DLG2: variants seen among roughly 807,000 people sequenced by gnomAD.
DLG2 encodes disks large homolog 2.
DLG2 carries 45 observed loss-of-function variants against 132.5 expected under a neutral mutation model. That is an observed-to-expected ratio of 0.34 (90% CI 0.27 to 0.44). DLG2 has a LOEUF of 0.44. Among genes scored for constraint, DLG2 ranks in the 20% least tolerant of loss-of-function variants. DLG2 has a pLI of 1.00. For synonymous variants in DLG2, 424 were observed against 419.6 expected (o/e 1.01, Z -0.13); for missense variants, 1,045 against 1,196.9 (o/e 0.87, Z 1.87).
intron 6 of DLG2, among the ~76,000 whole-genome samples, chr11:84,743,064 G>A (rs992585527): frequency 1.4e-4 from 21 of 151,976 alleles, no homozygotes; most frequent in Non-Finnish European, 4.4e-5. Flanking sequence ...CTTTTTAAAC[G>A]TTTTACTTTG....
intron 19 of DLG2, among the ~76,000 whole-genome samples, chr11:83,579,880 G>C (rs2096940052): frequency 6.6e-6 from 1 of 152,056 alleles, no homozygotes; most frequent in African/African-American, 2.4e-5. Context: ...TGAGGCAGGA[G>C]AATGGCTTGA....
chr11:84,983,604 A>G (rs966357561), intron 6 of DLG2, among the ~76,000 whole-genome samples: 3 of 152,250 alleles, frequency 2.0e-5, no homozygotes, highest in Admixed American at 1.3e-4. Context: ...CACTCCCCAA[A>G]AAATCACACA....
chr11:85,283,278 A>G (rs766263808), intron 4 of DLG2, among the ~76,000 whole-genome samples: 4 of 151,952 alleles, frequency 2.6e-5, no homozygotes, highest in Non-Finnish European at 4.4e-5. Context: ...TTTTTAAAAA[A>G]AAGAAAATTG....
chr11:84,898,107 T>C (rs1295630342), intron 6 of DLG2, among the ~76,000 whole-genome samples: 1 of 151,938 alleles, frequency 6.6e-6, no homozygotes, highest in African/African-American at 2.4e-5. Context: ...GATATAACAA[T>C]AAAAATGGTC....
chr11:83,779,802 A>G (rs2094734470), intron 18 of DLG2, among the ~76,000 whole-genome samples: 1 of 152,192 alleles, frequency 6.6e-6, no homozygotes, highest in African/African-American at 2.4e-5. Context: ...AGAATCTATC[A>G]AGTTAACTAG....
intron 7 of DLG2, among the ~76,000 whole-genome samples, chr11:84,302,654 T>C (rs1021135104): frequency 6.6e-6 from 1 of 152,198 alleles, no homozygotes; most frequent in Non-Finnish European, 1.5e-5. Flanking sequence ...TTTTTAAAAA[T>C]AATTAATTCA....
At chr11:85,126,657 C>A (rs879350115) in intron 5 of DLG2, among the ~76,000 whole-genome samples, 2 of 152,016 alleles carry the variant, frequency 1.3e-5, no homozygotes, top group Admixed American at 6.6e-5. Context: ...CGTAGACATG[C>A]CACCTTGCAG....
chr11:83,871,638 G>GCTCAGTCACAATGATTATGTGC (rs6144417), intron 16 of DLG2, among the ~76,000 whole-genome samples: 25,100 of 151,790 alleles, frequency 0.17, 2,251 homozygotes, highest in Middle Eastern at 0.27. Context: ...CCCACTATGT[G>GCTCAGTCACAATGATTATGTGC]CACGTTATCT....
At chr11:84,773,636 A>T (rs2069828059) in intron 6 of DLG2, among the ~76,000 whole-genome samples, 1 of 152,202 alleles carries the variant, frequency 6.6e-6, no homozygotes. Context: ...ACCCATGCAA[A>T]TAATACGAAA....
chr11:84,002,569 G>A (rs950395483), intron 11 of DLG2, among the ~76,000 whole-genome samples: 3 of 152,086 alleles, frequency 2.0e-5, no homozygotes, highest in African/African-American at 7.2e-5. Context: ...CAAGGCTTGG[G>A]GCTTGCATAC....
intron 3 of DLG2, among the ~76,000 whole-genome samples, chr11:85,594,559 C>A (rs2079595291): frequency 6.6e-6 from 1 of 152,124 alleles, no homozygotes; most frequent in Admixed American, 6.6e-5. Context: ...GGGTTGAAAT[C>A]TGTGAAATAT....
chr11:84,529,025 A>G (rs2099329039), intron 7 of DLG2, among the ~76,000 whole-genome samples: 2 of 152,306 alleles, frequency 1.3e-5, no homozygotes, highest in South Asian at 4.1e-4. Context: ...GGCTGGGAAT[A>G]TTTACATCAC....
chr11:84,644,124 T>C (rs1311384141), intron 6 of DLG2, among the ~76,000 whole-genome samples: 7 of 152,174 alleles, frequency 4.6e-5, no homozygotes, highest in South Asian at 2.1e-4. Flanking sequence ...AGATGCAGTA[T>C]ATTAAGAATC....
chr11:85,444,361 TC>T (rs2091915847), intron 3 of DLG2, among the ~76,000 whole-genome samples: 1 of 152,162 alleles, frequency 6.6e-6, no homozygotes, highest in African/African-American at 2.4e-5. Context: ...AAAAAGTTAA[TC>T]CCAGTGGAAT....
intron 5 of DLG2, among the ~76,000 whole-genome samples, chr11:85,114,506 T>G (rs2073252010): frequency 6.6e-6 from 1 of 151,996 alleles, no homozygotes; most frequent in South Asian, 2.1e-4. Flanking sequence ...TAGTGATATG[T>G]GACTAGACCA....
chr11:84,077,565 T>A (rs930680114), intron 10 of DLG2, among the ~76,000 whole-genome samples: 1 of 152,230 alleles, frequency 6.6e-6, no homozygotes, highest in African/African-American at 2.4e-5. Flanking sequence ...AAAACAACTA[T>A]GTGCTATTTT....
chr11:85,157,705 AGAAAG>A (rs1293220819), intron 4 of DLG2, among the ~76,000 whole-genome samples: 2 of 152,184 alleles, frequency 1.3e-5, no homozygotes, highest in African/African-American at 4.8e-5. Flanking sequence ...TCTCCTGTAG[AGAAAG>A]ATATGAAATT....
At chr11:84,714,605 TTC>T (rs1384317991) in intron 6 of DLG2, among the ~76,000 whole-genome samples, 20 of 99,448 alleles carry the variant, frequency 2.0e-4, no homozygotes, top group East Asian at 5.7e-4. Flanking sequence ...TTCTTTCTCT[TTC>T]TCTTTCTCTT....
intron 7 of DLG2, among the ~76,000 whole-genome samples, chr11:84,432,182 G>A (rs573506358): frequency 2.0e-5 from 3 of 152,330 alleles, no homozygotes; most frequent in Admixed American, 6.5e-5. Context: ...CCTAAGGCTA[G>A]AGTGGAATAA....
Sources: allele counts gnomAD v4.1 joint callset (sites outside exome capture counted in the v4.1 genomes callset), GRCh38; gene constraint gnomAD v4.1.1; transcripts MANE v1.5; gene names NCBI Gene and HGNC (gene_info 2026-07-23, HGNC 2026-07-21).